EXOC4: variants seen among roughly 807,000 people sequenced by gnomAD.
EXOC4 encodes SEC8-like 1.
EXOC4 carries 71 observed loss-of-function variants against 107.2 expected under a neutral mutation model. The observed-to-expected ratio is 0.66, with a 90% confidence interval of 0.55 to 0.81. EXOC4 has a LOEUF of 0.81. Among genes scored for constraint, EXOC4 ranks in the 30% least tolerant of loss-of-function variants. The probability of loss-of-function intolerance (pLI) is 0.00; values close to 1 mark genes in which losing one functional copy is unlikely to be tolerated. For synonymous variants in EXOC4, 456 were observed against 441.2 expected, an observed-to-expected ratio of 1.03 and a Z score of -0.42; for missense variants, 1,108 against 1,189.6, an observed-to-expected ratio of 0.93 and a Z score of 1.01.
At chr7:133,719,040 C>A (rs1380313560) in intron 10 of EXOC4, among the ~76,000 whole-genome samples, 1 of 152,204 alleles carries the variant, frequency 6.6e-6, no homozygotes, top group African/African-American at 2.4e-5. Context: ...TGAATTGTAA[C>A]TCCCACAATT....
At chr7:133,971,357 T>TAGAG (rs1554429066) in intron 14 of EXOC4, among the ~76,000 whole-genome samples, 18 of 100,516 alleles carry the variant, frequency 1.8e-4, no homozygotes, top group East Asian at 3.2e-4. Flanking sequence ...TATATATATA[T>TAGAG]ATATAGAGAG....
At chr7:133,742,625 A>G (rs1045547792) in intron 10 of EXOC4, among the ~76,000 whole-genome samples, 11 of 152,216 alleles carry the variant, frequency 7.2e-5, no homozygotes, top group Admixed American at 2.6e-4. Context: ...TCTCTCTGAC[A>G]AAGGAATCAG....
chr7:133,661,920 C>G (rs1231384537), intron 10 of EXOC4, among the ~76,000 whole-genome samples: 2 of 151,824 alleles, frequency 1.3e-5, no homozygotes, highest in Non-Finnish European at 2.9e-5. Flanking sequence ...AAGGCTGGAG[C>G]TAGGAATTTG....
At chr7:133,612,347 A>T (rs990903430) in intron 9 of EXOC4, among the ~76,000 whole-genome samples, 1 of 152,202 alleles carries the variant, frequency 6.6e-6, no homozygotes, top group Non-Finnish European at 1.5e-5. Context: ...TTTAATATTT[A>T]AATGATCTTA....
At chr7:133,542,558 G>C (rs553099111) in intron 9 of EXOC4, among the ~76,000 whole-genome samples, 91 of 152,142 alleles carry the variant, frequency 6.0e-4, no homozygotes, top group Non-Finnish European at 1.1e-3. Context: ...ACTGGCCTTG[G>C]GGTAAAGGTT....
intron 10 of EXOC4, among the ~76,000 whole-genome samples, chr7:133,707,574 A>G (rs893356489): frequency 2.0e-5 from 3 of 152,108 alleles, no homozygotes; most frequent in Non-Finnish European, 4.4e-5. Flanking sequence ...CTCACCTCCC[A>G]GGTGCTTATT....
intron 9 of EXOC4, among the ~76,000 whole-genome samples, chr7:133,617,919 A>T (rs900489623): frequency 1.2e-4 from 18 of 152,170 alleles, no homozygotes; most frequent in Admixed American, 8.5e-4. Flanking sequence ...GATAGGACCT[A>T]CTTTCAAACC....
chr7:133,558,744 C>A (rs1460411428), intron 9 of EXOC4, among the ~76,000 whole-genome samples: 2 of 152,044 alleles, frequency 1.3e-5, no homozygotes, highest in Non-Finnish European at 2.9e-5. Context: ...GAGTCCCGAT[C>A]ATCTTAAGAT....
At chr7:133,748,493 A>T (rs1308384363) in intron 10 of EXOC4, among the ~76,000 whole-genome samples, 2 of 152,156 alleles carry the variant, frequency 1.3e-5, no homozygotes, top group Non-Finnish European at 2.9e-5. Flanking sequence ...GGGGTCCCCA[A>T]AATTACTCCC....
At chr7:133,512,817 G>T (rs537106628) in intron 9 of EXOC4, among the ~76,000 whole-genome samples, 1 of 152,300 alleles carries the variant, frequency 6.6e-6, no homozygotes, top group South Asian at 2.1e-4. Flanking sequence ...TCTTCAGGGA[G>T]GCAGTTAAAA....
At chr7:133,843,382 A>G (rs2151251770) in intron 11 of EXOC4, among the ~76,000 whole-genome samples, 1 of 151,436 alleles carries the variant, frequency 6.6e-6, no homozygotes, top group Middle Eastern at 3.5e-3. Flanking sequence ...GAGATCCTTT[A>G]CCTCCCTGGT....
chr7:133,274,952 T>C (rs1793954042), intron 1 of EXOC4, 30 bp from the exon 2 acceptor site: 1 of 1,482,450 alleles, frequency 6.7e-7, no homozygotes, highest in Admixed American at 2.2e-5. Flanking sequence ...CAAGTTTTAC[T>C]TAGCTTGATA....
At chr7:133,538,140 C>T (rs958736775) in intron 9 of EXOC4, among the ~76,000 whole-genome samples, 1 of 152,176 alleles carries the variant, frequency 6.6e-6, no homozygotes, top group African/African-American at 2.4e-5. Context: ...GAATCAAACC[C>T]AGGCCGTTTG....
intron 7 of EXOC4, among the ~76,000 whole-genome samples, chr7:133,430,227 A>C (rs774212076): frequency 2.0e-5 from 3 of 152,166 alleles, no homozygotes; most frequent in Non-Finnish European, 4.4e-5. Flanking sequence ...TTCGACATTC[A>C]GTTGCTTCTT....
chr7:133,717,732 A>G (rs1000454963), intron 10 of EXOC4, among the ~76,000 whole-genome samples: 3 of 152,338 alleles, frequency 2.0e-5, no homozygotes, highest in East Asian at 3.9e-4. Context: ...TTACATGTTT[A>G]TATCTGGGCC....
At chr7:134,050,174 C>G (rs1795751748) in intron 17 of EXOC4, among the ~76,000 whole-genome samples, 2 of 152,190 alleles carry the variant, frequency 1.3e-5, no homozygotes, top group South Asian at 4.1e-4. Context: ...ACCCTGGAAA[C>G]TAGTAATAGT....
chr7:133,755,247 T>C (rs1401019646), intron 10 of EXOC4, among the ~76,000 whole-genome samples: 1 of 100,056 alleles, frequency 1.0e-5, no homozygotes, highest in East Asian at 2.3e-4. Context: ...ATATATAATA[T>C]ATATATTATA....
chr7:133,859,517 C>A (rs1302563693), intron 11 of EXOC4, among the ~76,000 whole-genome samples: 1 of 152,156 alleles, frequency 6.6e-6, no homozygotes, highest in African/African-American at 2.4e-5. Flanking sequence ...TAATTTCCTA[C>A]TTGCAGCTGG....
chr7:133,871,512 TC>T, intron 11 of EXOC4, among the ~76,000 whole-genome samples: 1 of 151,962 alleles, frequency 6.6e-6, no homozygotes, highest in Non-Finnish European at 1.5e-5. Context: ...TTACACGTTT[TC>T]CCCCCACAGC....
Sources: gnomAD v4.1 joint callset for allele counts (sites outside exome capture counted in the v4.1 genomes callset) on GRCh38, gnomAD v4.1.1 for gene constraint, MANE v1.5 for transcripts, NCBI Gene and HGNC (gene_info 2026-07-23, HGNC 2026-07-21) for gene names.